Variants in MAGI2 observed in about 807,000 individuals in gnomAD.
MAGI2 encodes the protein membrane associated guanylate kinase, WW and PDZ domain containing 2.
In MAGI2, 35 loss-of-function variants were observed where a neutral mutation model predicts 133.3. The observed-to-expected ratio is 0.26, with a 90% CI of 0.20 to 0.35. MAGI2 has a LOEUF of 0.35. MAGI2 is among the 10% of genes least tolerant of loss of function. MAGI2 has a pLI of 1.00. For synonymous variants in MAGI2, 729 were observed against 710.6 expected (o/e 1.03, Z -0.41); for missense variants, 1,636 against 1,863.4 (o/e 0.88, Z 2.25).
chr7:78,665,699 A>G (rs1351540878), intron 2 of MAGI2, among the ~76,000 whole-genome samples: 2 of 152,190 alleles, frequency 1.3e-5, no homozygotes, highest in Non-Finnish European at 2.9e-5. Context: ...ACAAATTAAT[A>G]GAGGAGAAAA....
rs998435431 is a variant in MAGI2, at chr7:78,330,346, G to A, written c.1408+13432C>T. 8.1e-5 allele frequency among the ~76,000 whole-genome samples: 3 copies of A among 36,894 alleles called. 1 individual carries two copies. Among genetic ancestry groups the A allele is most frequent in the East Asian group, 3.5e-4 (1 of 2,842 alleles). The allele number at this position is 36,894 out of a possible 152,430, so 24.2% of individuals were successfully genotyped here. ...GAAAGATTCCTTCACGGCCGGGCGC[G>A]GTGGCTCACGCCTGTAATCCCAGCA... On this transcript the variant is annotated intron_variant, in intron 9 of 21. Coordinates refer to ENST00000354212, the MANE Select transcript of MAGI2 (RefSeq NM_012301.4).
intron 1 of MAGI2, among the ~76,000 whole-genome samples, chr7:79,344,002 C>A (rs913469789): frequency 6.6e-6 from 1 of 151,978 alleles, no homozygotes; most frequent in Non-Finnish European, 1.5e-5. Context: ...CTGAGAGTAA[C>A]CTTAGAACTA....
chr7:78,284,279 A>G (rs1321430078), intron 9 of MAGI2, among the ~76,000 whole-genome samples: 3 of 152,002 alleles, frequency 2.0e-5, no homozygotes, highest in African/African-American at 4.8e-5. Flanking sequence ...AATATGAAAA[A>G]TAGCCAATTC....
intron 9 of MAGI2, among the ~76,000 whole-genome samples, chr7:78,306,175 A>T (rs1798230827): frequency 1.3e-5 from 2 of 152,212 alleles, no homozygotes; most frequent in African/African-American, 4.8e-5. Context: ...GCTTCTTCTT[A>T]GTTAATTGAA....
At chr7:79,122,808 C>T (rs1820026623) in intron 1 of MAGI2, among the ~76,000 whole-genome samples, 1 of 152,064 alleles carries the variant, frequency 6.6e-6, no homozygotes, top group Non-Finnish European at 1.5e-5. Context: ...TCTCCTGCCT[C>T]ACCCTCTCAA....
chr7:79,328,279 C>A (rs910091929), intron 1 of MAGI2, among the ~76,000 whole-genome samples: 2 of 152,074 alleles, frequency 1.3e-5, no homozygotes, highest in African/African-American at 2.4e-5. Flanking sequence ...TGCTAAATAC[C>A]TATGTCTTAC....
chr7:79,025,597 T>G (rs1348626239), intron 1 of MAGI2, among the ~76,000 whole-genome samples: 2 of 151,942 alleles, frequency 1.3e-5, no homozygotes, highest in African/African-American at 4.8e-5. Flanking sequence ...CAATAAGGAG[T>G]AAAATAGCTA....
At chr7:78,712,500 G>T (rs1258161023) in intron 2 of MAGI2, among the ~76,000 whole-genome samples, 3 of 152,196 alleles carry the variant, frequency 2.0e-5, no homozygotes, top group African/African-American at 7.2e-5. Context: ...AGCTAACGCT[G>T]CAGTATCTTT....
chr7:78,988,699 C>A (rs1450100173), intron 2 of MAGI2, among the ~76,000 whole-genome samples: 4 of 152,090 alleles, frequency 2.6e-5, no homozygotes, highest in Non-Finnish European at 5.9e-5. Context: ...TCTTTATTCA[C>A]CGTGAACCTC....
intron 2 of MAGI2, among the ~76,000 whole-genome samples, chr7:78,981,216 C>T (rs1351791762): frequency 6.6e-6 from 1 of 151,466 alleles, no homozygotes; most frequent in Non-Finnish European, 1.5e-5. Context: ...TAAATGCTGT[C>T]TGCCTGCCAG....
chr7:78,109,026 T>C (rs938362772), intron 20 of MAGI2, among the ~76,000 whole-genome samples: 12 of 151,826 alleles, frequency 7.9e-5, no homozygotes, highest in Non-Finnish European at 1.8e-4. Context: ...AAATCCGGGC[T>C]GGGCGCGGTG....
At chr7:78,485,398 T>C (rs1792887172) in intron 6 of MAGI2, 1 of 152,016 alleles carries the variant, frequency 6.6e-6, no homozygotes, top group South Asian at 2.1e-4. Context: ...AACCCTATTG[T>C]GAGAGAAGGA....
At chr7:79,270,424 G>A (rs554463478) in intron 1 of MAGI2, among the ~76,000 whole-genome samples, 1 of 152,264 alleles carries the variant, frequency 6.6e-6, no homozygotes, top group South Asian at 2.1e-4. Flanking sequence ...ACTGAGAGAA[G>A]TCATTCCAGA....
chr7:78,809,002 A>G (rs1788820340), intron 2 of MAGI2, among the ~76,000 whole-genome samples: 1 of 152,216 alleles, frequency 6.6e-6, no homozygotes, highest in Admixed American at 6.5e-5. Flanking sequence ...TTCATGTTCT[A>G]AGGAGTAATA....
intron 21 of MAGI2, among the ~76,000 whole-genome samples, chr7:78,063,970 C>T (rs1813547959): frequency 6.6e-6 from 1 of 152,180 alleles, no homozygotes; most frequent in South Asian, 2.1e-4. Flanking sequence ...ACTGAAACCA[C>T]AAAGAGCCCT....
intron 21 of MAGI2, chr7:78,072,935 G>A (rs1814865007): frequency 5.0e-6 from 2 of 398,522 alleles, no homozygotes; most frequent in Non-Finnish European, 8.8e-6. Flanking sequence ...TAGGATTAGA[G>A]GTGTGAGCCA....
At chr7:78,490,987 G>T (rs906406006) in intron 5 of MAGI2, among the ~76,000 whole-genome samples, 1 of 152,022 alleles carries the variant, frequency 6.6e-6, no homozygotes, top group African/African-American at 2.4e-5. Flanking sequence ...ATCAGAGCCA[G>T]GTAATAGGCA....
rs560333212 is a variant in MAGI2, at chr7:78,475,463, G to A, written c.1045+14298C>T. ...ATTTTCCTCCATGAAGGATTTCATA[G>A]AGAAAAGTATAGAATAAAGATTAGA... On this transcript the variant is annotated intron_variant, in intron 6 of 21. Coordinates refer to ENST00000354212, the MANE Select transcript of MAGI2 (RefSeq NM_012301.4). Among the ~76,000 whole-genome samples the A allele has an allele frequency of 9.3e-4, 141 of 152,054 alleles. 1 individual carries two copies. The South Asian group carries it at 0.027, about 29-fold the overall frequency.
At chr7:78,615,077 G>C (rs1806932250) in intron 3 of MAGI2, 1 of 152,002 alleles carries the variant, frequency 6.6e-6, no homozygotes, top group African/African-American at 2.4e-5. Context: ...CTTTCTCTCT[G>C]TCCTCCTTCA....
Sources: allele counts gnomAD v4.1 joint callset (sites outside exome capture counted in the v4.1 genomes callset), GRCh38; gene constraint gnomAD v4.1.1; transcripts MANE v1.5; gene names NCBI Gene and HGNC (gene_info 2026-07-23, HGNC 2026-07-21).